RIPOR2: variants seen among roughly 807,000 people sequenced by gnomAD.
RIPOR2 encodes the protein RHO family interacting cell polarization regulator 2.
RIPOR2 carries 39 observed loss-of-function variants against 114.5 expected under a neutral mutation model. That is an observed-to-expected ratio of 0.34 (90% CI 0.26 to 0.44). The LOEUF (loss-of-function observed/expected upper bound fraction) is 0.44, where lower values mean the gene tolerates loss of function less well. Among genes scored for constraint, RIPOR2 ranks in the 20% least tolerant of loss-of-function variants. The probability of loss-of-function intolerance (pLI) is 1.00; values close to 1 mark genes in which losing one functional copy is unlikely to be tolerated. For missense variants in RIPOR2, 1,007 were observed against 1,255.1 expected (o/e 0.80, Z 2.99); for synonymous variants, 445 against 484.4 (o/e 0.92, Z 1.07).
intron 1 of RIPOR2, among the ~76,000 whole-genome samples, chr6:24,891,036 T>C (rs1450346724): frequency 6.6e-6 from 1 of 152,122 alleles, no homozygotes; most frequent in Non-Finnish European, 1.5e-5. Flanking sequence ...GAACAAAGTA[T>C]AGCTGATGAA....
chr6:24,832,480 T>A, intron 15 of RIPOR2, 89 bp from the exon 16 acceptor site: 1 of 1,159,016 alleles, frequency 8.6e-7, no homozygotes. Context: ...AATGTGGTGA[T>A]GATACTAAAT....
intron 1 of RIPOR2, among the ~76,000 whole-genome samples, chr6:24,955,687 T>C (rs1773000649): frequency 7.5e-6 from 1 of 133,506 alleles, no homozygotes; most frequent in Non-Finnish European, 1.6e-5. Context: ...CTAAGGTCCA[T>C]GCTGCTCCTT....
chr6:24,850,098 T>TC, intron 10 of RIPOR2, 148 bp from the exon 11 acceptor site: 1 of 80,422 alleles, frequency 1.2e-5, no homozygotes, highest in Admixed American at 2.6e-4. Context: ...TTTCTTTTTC[T>TC]TTTTTTTTTT....
At chr6:24,832,987 G>A (rs1457037394) in intron 15 of RIPOR2, among the ~76,000 whole-genome samples, 1 of 152,180 alleles carries the variant, frequency 6.6e-6, no homozygotes, top group African/African-American at 2.4e-5. Context: ...TTACTGATGA[G>A]AAAATTGAGG....
intron 1 of RIPOR2, among the ~76,000 whole-genome samples, chr6:24,916,246 A>C (rs1770070529): frequency 6.6e-6 from 1 of 152,138 alleles, no homozygotes; most frequent in Admixed American, 6.5e-5. Flanking sequence ...TGCCTGGCCC[A>C]TGAAGCCCTG....
chr6:25,004,613 A>G (rs960487338), intron 1 of RIPOR2, among the ~76,000 whole-genome samples: 10 of 152,228 alleles, frequency 6.6e-5, no homozygotes, highest in African/African-American at 1.9e-4. Flanking sequence ...CAGCAGGCCA[A>G]TCAGAGAGAT....
intron 1 of RIPOR2, among the ~76,000 whole-genome samples, chr6:24,912,904 C>T (rs1204562910): frequency 6.6e-6 from 1 of 152,132 alleles, no homozygotes; most frequent in East Asian, 1.9e-4. Context: ...TAGATATTAT[C>T]CCACTGAAGC....
At chr6:24,981,179 C>T (rs1774274293) in intron 1 of RIPOR2, among the ~76,000 whole-genome samples, 1 of 152,150 alleles carries the variant, frequency 6.6e-6, no homozygotes, top group South Asian at 2.1e-4. Flanking sequence ...TTTCTATGTC[C>T]TGTGAGCCTA....
intron 1 of RIPOR2, among the ~76,000 whole-genome samples, chr6:24,876,528 C>T (rs371819814): frequency 1.4e-4 from 22 of 152,176 alleles, no homozygotes; most frequent in East Asian, 3.9e-4. Flanking sequence ...AGTCTTAAGG[C>T]GGAATTCTAC....
At chr6:25,024,154 C>A (rs895985790) in intron 1 of RIPOR2, 2 of 1,132,384 alleles carry the variant, frequency 1.8e-6, no homozygotes, top group Non-Finnish European at 2.7e-6. Context: ...CGGGACACCC[C>A]CTCCTGCTGG....
intron 12 of RIPOR2, among the ~76,000 whole-genome samples, chr6:24,846,764 T>A (rs1212835876): frequency 6.6e-6 from 1 of 152,230 alleles, no homozygotes; most frequent in Non-Finnish European, 1.5e-5. Flanking sequence ...CATGTGTGTG[T>A]GTATCCTCTG....
At chr6:24,830,443 A>G in intron 17 of RIPOR2, 66 bp downstream of exon 17, 2 of 1,236,358 alleles carry the variant, frequency 1.6e-6, no homozygotes, top group Non-Finnish European at 2.3e-6. Flanking sequence ...CTCTCCCCCG[A>G]CCCCCACCCC....
chr6:24,987,613 A>G lies in RIPOR2; in HGVS notation c.76+54238T>C, dbSNP rs150751128. Among the ~76,000 whole-genome samples, 544 of 152,368 alleles carry G rather than the reference A, an allele frequency of 3.6e-3. 3 individuals carry two copies. The highest frequency in any genetic ancestry group is 0.01 in the African/African-American group (418 of 41,582). On this transcript the variant is annotated intron_variant, in intron 1 of 13. Coordinates refer to the RIPOR2 transcript ENST00000510784. ...CCATTAAGATGCTTACAACAGGGTT[A>G]CAAGTGAGGTGGAAGGTCCACACTA...
intron 1 of RIPOR2, among the ~76,000 whole-genome samples, chr6:24,978,253 G>C (rs1774155791): frequency 6.6e-6 from 1 of 151,990 alleles, no homozygotes; most frequent in African/African-American, 2.4e-5. Flanking sequence ...CACTGGCACG[G>C]TTTTAGGCAT....
intron 1 of RIPOR2, among the ~76,000 whole-genome samples, chr6:24,956,062 A>G (rs562320783): frequency 6.6e-6 from 1 of 152,122 alleles, no homozygotes; most frequent in African/African-American, 2.4e-5. Context: ...AATTAATCAT[A>G]TCCATATTGA....
At chr6:24,885,305 C>T (rs1365679251) in intron 1 of RIPOR2, among the ~76,000 whole-genome samples, 1 of 152,120 alleles carries the variant, frequency 6.6e-6, no homozygotes, top group East Asian at 1.9e-4. Context: ...TCACTGCAGC[C>T]TCAATCTCCT....
At chr6:24,952,542 A>G (rs1221583552) in intron 1 of RIPOR2, among the ~76,000 whole-genome samples, 2 of 152,230 alleles carry the variant, frequency 1.3e-5, no homozygotes, top group Admixed American at 1.3e-4. Flanking sequence ...GTAGCACACC[A>G]TTTCCACCAA....
intron 1 of RIPOR2, among the ~76,000 whole-genome samples, chr6:25,013,875 A>G (rs1485556105): frequency 1.3e-5 from 2 of 152,230 alleles, no homozygotes; most frequent in African/African-American, 4.8e-5. Context: ...TTCAAGCCAG[A>G]CACTTGCACT....
intron 1 of RIPOR2, among the ~76,000 whole-genome samples, chr6:24,882,662 G>A (rs1042500624): frequency 5.3e-5 from 8 of 152,050 alleles, no homozygotes; most frequent in African/African-American, 1.7e-4. Context: ...GACAACCACC[G>A]GGGGAATTTT....
Sources: gnomAD v4.1 joint callset for allele counts (sites outside exome capture counted in the v4.1 genomes callset) on GRCh38, gnomAD v4.1.1 for gene constraint, MANE v1.5 for transcripts, NCBI Gene and HGNC (gene_info 2026-07-23, HGNC 2026-07-21) for gene names.